Variants in USP50 observed in about 807,000 individuals in gnomAD.
USP50 encodes the protein ubiquitin specific peptidase 50, also known as ubiquitin carboxyl-terminal hydrolase 50.
In USP50, 37 loss-of-function variants were observed where a neutral mutation model predicts 39.2. The observed-to-expected ratio is 0.94, with a 90% CI of 0.73 to 1.24. The LOEUF is 1.24. Among genes scored for constraint, USP50 ranks in the 50% most tolerant of loss-of-function variants. The pLI is 0.00. For missense variants in USP50, 374 were observed against 398.2 expected (o/e 0.94, Z 0.52); for synonymous variants, 139 against 144.5 (o/e 0.96, Z 0.27).
At chr15:50,511,313 C>A (rs1193973992) in intron 6 of USP50, 1 of 152,074 alleles carries the variant, frequency 6.6e-6, no homozygotes, top group African/African-American at 2.4e-5. Flanking sequence ...AACCTTAGTT[C>A]CAGTTGCTGG....
At chr15:50,531,522 T>C (rs1384578830) in intron 5 of USP50, among the ~76,000 whole-genome samples, 5 of 152,068 alleles carry the variant, frequency 3.3e-5, no homozygotes, top group African/African-American at 1.2e-4. Flanking sequence ...ATCAACAATT[T>C]CTATAGGCTT....
chr15:50,501,863 A>T (rs2052594637), intron 6 of USP50: 1 of 152,196 alleles, frequency 6.6e-6, no homozygotes, highest in Non-Finnish European at 1.5e-5. Context: ...TCCAAGTAAT[A>T]ATAGTATTGT....
chr15:50,496,447 C>T (rs1595992756), downstream of USP50, among the ~76,000 whole-genome samples: 2 of 143,766 alleles, frequency 1.4e-5, no homozygotes, highest in African/African-American at 5.2e-5. Flanking sequence ...CGCCACTGCA[C>T]TCCAGCCTAG....
intron 5 of USP50, among the ~76,000 whole-genome samples, chr15:50,537,517 C>T (rs2052988870): frequency 6.9e-6 from 1 of 144,004 alleles, no homozygotes; most frequent in Non-Finnish European, 1.5e-5. Context: ...AAGCCATGGA[C>T]TAAAAAAAAA....
chr15:50,533,765 C>G (rs553635935), intron 5 of USP50, among the ~76,000 whole-genome samples: 77 of 152,196 alleles, frequency 5.1e-4, no homozygotes, highest in Non-Finnish European at 1.0e-3. Flanking sequence ...CTTTGGGAGG[C>G]CAAGGCAGGT....
intron 6 of USP50, among the ~76,000 whole-genome samples, chr15:50,525,658 A>G (rs71394998): frequency 1.7e-4 from 19 of 108,788 alleles, no homozygotes; most frequent in South Asian, 2.8e-4. Flanking sequence ...ATGTATATGT[A>G]TATATGTATA....
chr15:50,535,869 A>G (rs942903514), intron 5 of USP50, among the ~76,000 whole-genome samples: 3 of 151,528 alleles, frequency 2.0e-5, no homozygotes, highest in South Asian at 2.1e-4. Flanking sequence ...AGGTTAAAGG[A>G]AAAAAAATCA....
chr15:50,524,184 T>C (rs983077841), intron 6 of USP50, among the ~76,000 whole-genome samples: 22 of 152,176 alleles, frequency 1.4e-4, no homozygotes, highest in Non-Finnish European at 7.3e-5. Flanking sequence ...AAAGTAAACA[T>C]GGAGACGCTA....
intron 6 of USP50, 127 bp downstream of exon 6, chr15:50,529,670 T>C: frequency 9.7e-7 from 1 of 1,033,234 alleles, no homozygotes; most frequent in Admixed American, 3.0e-5. Flanking sequence ...AGTGGAGAGT[T>C]TCCTGGTCTA....
At chr15:50,525,500 A>G (rs2052881542) in intron 6 of USP50, among the ~76,000 whole-genome samples, 1 of 145,270 alleles carries the variant, frequency 6.9e-6, no homozygotes, top group African/African-American at 2.6e-5. Context: ...GTATATATGT[A>G]TGTGTGTGTA....
Position 50,543,646 on chromosome 15 carries a change from C to CT in USP50, c.395dup (p.Glu133GlyfsTer9). ...CATTTAGGACACAAATCAAGAATTC[C>CT]TGAGCATCTTGTTGCATCTTTTTCG... On this transcript the variant is annotated frameshift_variant, in exon 3 of 7. Transcript: ENST00000532404. LOFTEE classifies it high-confidence loss of function. 1 of 1,613,754 alleles carries CT rather than the reference C, an allele frequency of 6.2e-7. No individual in the cohort carries two copies. The highest frequency in any genetic ancestry group is 8.5e-7 in the Non-Finnish European group (1 of 1,179,790).
At chr15:50,533,033 G>A (rs1198655048) in intron 5 of USP50, among the ~76,000 whole-genome samples, 3 of 152,044 alleles carry the variant, frequency 2.0e-5, no homozygotes, top group South Asian at 4.2e-4. Context: ...CCGGTCAGGC[G>A]CAGTGGCTCA....
chr15:50,532,073 C>A (rs1419103511), intron 5 of USP50: 2 of 455,788 alleles, frequency 4.4e-6, no homozygotes, highest in Admixed American at 4.7e-5. Flanking sequence ...AAAACCTGAA[C>A]TGTAATTGAT....
At chr15:50,538,232 A>T (rs1281709078) in intron 5 of USP50, among the ~76,000 whole-genome samples, 2 of 144,632 alleles carry the variant, frequency 1.4e-5, no homozygotes, top group African/African-American at 5.3e-5. Flanking sequence ...AGCTGAGATC[A>T]CATCACTGCA....
chr15:50,506,750 G>A (rs1206314440), intron 6 of USP50: 2 of 151,570 alleles, frequency 1.3e-5, no homozygotes, highest in East Asian at 3.9e-4. Flanking sequence ...ACGAGGTCAG[G>A]AGATCAAGAC....
chr15:50,537,385 T>G (rs2052987933), intron 5 of USP50, among the ~76,000 whole-genome samples: 1 of 152,156 alleles, frequency 6.6e-6, no homozygotes. Flanking sequence ...GATAATCTTG[T>G]GTTTGGCAAT....
chr15:50,544,898 A>C, intron 1 of USP50, 117 bp from the exon 2 acceptor site: 1 of 976,988 alleles, frequency 1.0e-6, no homozygotes, highest in Non-Finnish European at 1.5e-6. Context: ...ACTTCCTCCA[A>C]ACACATTCCC....
At chr15:50,494,485 T>C (rs573105981) in intron 1 of USP50, among the ~76,000 whole-genome samples, 9 of 152,344 alleles carry the variant, frequency 5.9e-5, no homozygotes, top group Admixed American at 3.9e-4. Context: ...ACAAGCAGTA[T>C]TGCTGAGAAA....
intron 6 of USP50, among the ~76,000 whole-genome samples, chr15:50,520,518 T>C (rs1237560110): frequency 6.6e-6 from 1 of 151,950 alleles, no homozygotes; most frequent in African/African-American, 2.4e-5. Flanking sequence ...CAGGCTGGTC[T>C]CAAACTCCTG....
Sources: allele counts gnomAD v4.1 joint callset (sites outside exome capture counted in the v4.1 genomes callset), GRCh38; gene constraint gnomAD v4.1.1; transcripts MANE v1.5; gene names NCBI Gene and HGNC (gene_info 2026-07-23, HGNC 2026-07-21).